Variants in RIMS4 observed in about 807,000 individuals in gnomAD.
RIMS4 encodes the protein regulating synaptic membrane exocytosis 4.
In RIMS4, 9 loss-of-function variants were observed where a neutral mutation model predicts 29.0. The ratio of observed to expected loss-of-function variants is 0.31; its 90% CI spans 0.19 to 0.54. The LOEUF (loss-of-function observed/expected upper bound fraction) is 0.54, where lower values mean the gene tolerates loss of function less well. RIMS4 is among the 20% of genes least tolerant of loss of function. RIMS4 has a pLI of 0.94. For synonymous variants in RIMS4, 130 were observed against 152.9 expected, an observed-to-expected ratio of 0.85 and a Z score of 1.10; for missense variants, 193 against 365.7, an observed-to-expected ratio of 0.53 and a Z score of 3.85.
chr20:44,775,239 C>T (rs1295654684), intron 1 of RIMS4, among the ~76,000 whole-genome samples: 2 of 152,046 alleles, frequency 1.3e-5, no homozygotes, highest in East Asian at 1.9e-4. Flanking sequence ...AGAAATAGAC[C>T]CTCACTTGAC....
At chr20:44,778,405 G>T (rs186447451) in intron 1 of RIMS4, among the ~76,000 whole-genome samples, 33 of 152,358 alleles carry the variant, frequency 2.2e-4, no homozygotes. Context: ...GCTGGGTACA[G>T]TGGCTCATGG....
chr20:44,775,472 G>T (rs549327469), intron 1 of RIMS4, among the ~76,000 whole-genome samples: 137 of 152,248 alleles, frequency 9.0e-4, no homozygotes, highest in Admixed American at 2.1e-3. Flanking sequence ...CCCTTAACCT[G>T]CCCTTGCCCT....
chr20:44,762,537 C>T (rs759249928), intron 2 of RIMS4, among the ~76,000 whole-genome samples: 2 of 152,228 alleles, frequency 1.3e-5, no homozygotes, highest in Admixed American at 1.3e-4. Context: ...TTTCCTCCAA[C>T]GTCATCATTG....
intron 1 of RIMS4, among the ~76,000 whole-genome samples, chr20:44,791,069 C>G (rs1375895034): frequency 6.6e-6 from 1 of 152,218 alleles, no homozygotes; most frequent in African/African-American, 2.4e-5. Context: ...CCTGTGGAGA[C>G]TGGCCTGTGA....
intron 1 of RIMS4, among the ~76,000 whole-genome samples, chr20:44,787,027 A>G (rs1052353828): frequency 3.3e-5 from 5 of 152,382 alleles, no homozygotes; most frequent in Admixed American, 3.3e-4. Flanking sequence ...AAATACAGAA[A>G]GATAGAGAGG....
rs1269775030 is a variant in RIMS4 at position 44,754,402 on chromosome 20, C to CCGGGAA, written c.*1731_*1732insTTCCCG. The CCGGGAA allele has an allele frequency of 1.3e-5, 2 of 157,822 alleles. No homozygotes were observed. The highest frequency in any genetic ancestry group is 4.8e-5 in the African/African-American group (2 of 41,610). The allele number at this position is 157,822 out of a possible 1,614,324, so 9.8% of individuals were successfully genotyped here. A position where few individuals can be genotyped will look rare whatever the true frequency, so the allele number is the denominator to read the frequency against. On this transcript the variant is annotated 3_prime_UTR_variant, in exon 6 of 6. Coordinates refer to ENST00000372851, the MANE Select transcript of RIMS4 (RefSeq NM_182970.4). ...AAGGAGTTGCCTGGTGGGACTGGGA[C>CCGGGAA]CGGGACCGGGACCAGGAACAGGGTG...
At chr20:44,777,347 C>T (rs1053456725) in intron 1 of RIMS4, among the ~76,000 whole-genome samples, 10 of 152,154 alleles carry the variant, frequency 6.6e-5, no homozygotes, top group African/African-American at 9.7e-5. Flanking sequence ...GTTTAATGTA[C>T]GTTCTCCCAA....
chr20:44,785,956 T>C (rs1388547578), intron 1 of RIMS4, among the ~76,000 whole-genome samples: 4 of 152,094 alleles, frequency 2.6e-5, no homozygotes, highest in Non-Finnish European at 5.9e-5. Flanking sequence ...TCCTGCCAGA[T>C]GTCCGCCTAC....
chr20:44,810,072 A>G (rs1601052677), intron 1 of RIMS4, 103 bp downstream of exon 1: 1 of 390,016 alleles, frequency 2.6e-6, no homozygotes, highest in South Asian at 2.1e-5. Context: ...GCGCCTTCCC[A>G]GGGGATTGGG....
At chr20:44,788,447 T>C (rs1299854858) in intron 1 of RIMS4, among the ~76,000 whole-genome samples, 1 of 152,092 alleles carries the variant, frequency 6.6e-6, no homozygotes, top group South Asian at 2.1e-4. Context: ...TACTAGAAAT[T>C]AGATTTGCTT....
intron 1 of RIMS4, among the ~76,000 whole-genome samples, chr20:44,772,632 A>G (rs957425741): frequency 6.6e-6 from 1 of 152,198 alleles, no homozygotes; most frequent in East Asian, 1.9e-4. Flanking sequence ...TCCCTGCTCC[A>G]TGGCCTAGTG....
At position 44,756,870 on chromosome 20, in the gene RIMS4, C is replaced by A. The variant is rs189165311; in HGVS notation, c.591+28G>T. On this transcript the variant is annotated intron_variant, in intron 5 of 5. Coordinates refer to ENST00000372851, the MANE Select transcript of RIMS4 (RefSeq NM_182970.4). This position sits in a 1 kb window ranked among gnomAD's most constrained non-coding sequence, Gnocchi z 5.9. ...GTGCATGTGTGCTCGTGCACACACA[C>A]ACACGTGAGCGCGTCAATGCCCCTC... 2 of 1,610,036 alleles carry A rather than the reference C, an allele frequency of 1.2e-6. No individual in the cohort carries two copies. Among genetic ancestry groups the A allele is most frequent in the African/African-American group, 1.3e-5 (1 of 74,998 alleles).
intron 1 of RIMS4, among the ~76,000 whole-genome samples, chr20:44,788,033 C>A (rs1027990077): frequency 1.3e-5 from 2 of 152,168 alleles, no homozygotes; most frequent in African/African-American, 4.8e-5. Context: ...AGTAACTTGC[C>A]CAGGCTCACA....
Position 44,791,878 on chromosome 20 carries a change from C to T in RIMS4, c.97+18297G>A, listed in dbSNP as rs540558985. ...AAGGAGCTGATCGTGGTCCCACCCA[C>T]CCCCTTTCCTAGCTCCATTTCTTCC... On this transcript the variant is annotated intron_variant, in intron 1 of 5. Coordinates refer to ENST00000372851, the MANE Select transcript of RIMS4 (RefSeq NM_182970.4). Among the ~76,000 whole-genome samples, 20 of 152,302 alleles carry T rather than the reference C, an allele frequency of 1.3e-4. No homozygotes were observed. In the South Asian group the frequency reaches 1.5e-3, roughly 11 times the overall value.
intron 1 of RIMS4, among the ~76,000 whole-genome samples, chr20:44,802,043 A>G (rs1740723925): frequency 6.6e-6 from 1 of 152,166 alleles, no homozygotes; most frequent in Admixed American, 6.5e-5. Flanking sequence ...CAAACTAAAT[A>G]AAAGACTCTG....
In RIMS4 at chr20:44,758,003, G is replaced by A; in HGVS notation, c.349+69C>T. 7 of 1,185,176 alleles carry A rather than the reference G, an allele frequency of 5.9e-6. No individual in the cohort carries two copies. The South Asian group carries it at 6.9e-5, about 12-fold the overall frequency. The allele number at this position is 1,185,176 out of a possible 1,614,324, so 73.4% of individuals were successfully genotyped here. A position where few individuals can be genotyped will look rare whatever the true frequency, so the allele number is the denominator to read the frequency against. ...TCAACAGGCAAAGGGGAAGGAGGGA[G>A]AGACGCTGAGCTTCTGGTGTGACAC... is the stretch of plus-strand genomic sequence containing the variant. On this transcript the variant is annotated intron_variant, in intron 3 of 5. Transcript: ENST00000372851.
chr20:44,772,998 A>G (rs2066143606), intron 1 of RIMS4, among the ~76,000 whole-genome samples: 1 of 150,328 alleles, frequency 6.7e-6, no homozygotes, highest in Admixed American at 6.6e-5. Flanking sequence ...TCTGTTTCTC[A>G]GAACGTGTAG....
intron 1 of RIMS4, among the ~76,000 whole-genome samples, chr20:44,793,939 T>A (rs777480453): frequency 1.3e-5 from 2 of 152,188 alleles, no homozygotes; most frequent in Non-Finnish European, 2.9e-5. Flanking sequence ...CAGGCTGGCA[T>A]GTACCTGTAG....
chr20:44,778,395 G>C (rs2145460239), intron 1 of RIMS4, among the ~76,000 whole-genome samples: 1 of 152,334 alleles, frequency 6.6e-6, no homozygotes, highest in Middle Eastern at 3.4e-3. Flanking sequence ...TAGAATTCAG[G>C]CTGGGTACAG....
Sources: allele counts gnomAD v4.1 joint callset (sites outside exome capture counted in the v4.1 genomes callset), GRCh38; gene constraint gnomAD v4.1.1; non-coding constraint Gnocchi (gnomAD v3.1); transcripts MANE v1.5; gene names NCBI Gene and HGNC (gene_info 2026-07-23, HGNC 2026-07-21).